Variants in MEMO1 observed in about 807,000 individuals in gnomAD.
MEMO1 encodes mediator of cell motility 1.
MEMO1 carries 6 observed loss-of-function variants against 45.2 expected under a neutral mutation model. The observed-to-expected ratio is 0.13, with a 90% CI of 0.07 to 0.26. MEMO1 has a LOEUF of 0.26. MEMO1 is among the 10% of genes least tolerant of loss of function. MEMO1 has a pLI of 1.00. For missense variants in MEMO1, 184 were observed against 370.5 expected, an observed-to-expected ratio of 0.50 and a Z score of 4.13; for synonymous variants, 78 against 124.3, an observed-to-expected ratio of 0.63 and a Z score of 2.48.
intron 6 of MEMO1, among the ~76,000 whole-genome samples, chr2:31,898,516 T>C (rs149029053): frequency 5.9e-4 from 90 of 152,320 alleles, no homozygotes; most frequent in African/African-American, 2.1e-3. Context: ...TTCCATGTAG[T>C]TGTGCGGTTT....
At chr2:31,946,302 C>T (rs911675456) in intron 2 of MEMO1, among the ~76,000 whole-genome samples, 2 of 152,072 alleles carry the variant, frequency 1.3e-5, no homozygotes, top group Admixed American at 1.3e-4. Context: ...TAAGCATCTA[C>T]TGTCCTTCTG....
intron 6 of MEMO1, among the ~76,000 whole-genome samples, chr2:31,900,381 G>C (rs1300868395): frequency 6.6e-6 from 1 of 152,108 alleles, no homozygotes; most frequent in African/African-American, 2.4e-5. Flanking sequence ...TCCTTTGCAG[G>C]GACATGGATG....
chr2:31,960,028 C>A (rs1314635822), intron 2 of MEMO1, among the ~76,000 whole-genome samples: 1 of 152,072 alleles, frequency 6.6e-6, no homozygotes. Context: ...TCAAGACCAG[C>A]CTGGCTAAAA....
intron 2 of MEMO1, among the ~76,000 whole-genome samples, chr2:31,996,711 T>C (rs1224699295): frequency 1.3e-5 from 2 of 152,106 alleles, no homozygotes; most frequent in Non-Finnish European, 2.9e-5. Flanking sequence ...TATAGAGCAT[T>C]CCACCCCATA....
At chr2:31,883,857 A>G (rs192847831) in intron 7 of MEMO1, among the ~76,000 whole-genome samples, 37 of 152,088 alleles carry the variant, frequency 2.4e-4, no homozygotes, top group Admixed American at 5.9e-4. Context: ...CAAATCACTA[A>G]AAGCCTTAGC....
chr2:31,912,387 C>A (rs1440231570), intron 6 of MEMO1, among the ~76,000 whole-genome samples: 1 of 151,760 alleles, frequency 6.6e-6, no homozygotes, highest in Non-Finnish European at 1.5e-5. Flanking sequence ...GTGGCACTTG[C>A]CTGTAATCCC....
At chr2:31,887,705 C>A (rs1360774089) in intron 7 of MEMO1, among the ~76,000 whole-genome samples, 1 of 152,136 alleles carries the variant, frequency 6.6e-6, no homozygotes, top group African/African-American at 2.4e-5. Flanking sequence ...TATCTCAAAT[C>A]TGCAAAAAGT....
intron 2 of MEMO1, among the ~76,000 whole-genome samples, chr2:31,990,829 TTC>T (rs1246118214): frequency 5.9e-5 from 9 of 152,148 alleles, no homozygotes; most frequent in Non-Finnish European, 1.0e-4. Flanking sequence ...TATAAAGAGA[TTC>T]TGAGACTGAC....
chr2:31,992,194 G>T (rs920908231), intron 2 of MEMO1, among the ~76,000 whole-genome samples: 2 of 152,142 alleles, frequency 1.3e-5, no homozygotes, highest in African/African-American at 4.8e-5. Context: ...CCTAGGTCAG[G>T]GCTGAGGAAA....
chr2:32,008,531 T>C (rs1414640346), intron 2 of MEMO1, among the ~76,000 whole-genome samples: 1 of 151,380 alleles, frequency 6.6e-6, no homozygotes, highest in Non-Finnish European at 1.5e-5. Flanking sequence ...TTGCAATGAG[T>C]CAAGATCGAG....
At chr2:31,986,256 G>C (rs556989947) in intron 2 of MEMO1, among the ~76,000 whole-genome samples, 4 of 152,066 alleles carry the variant, frequency 2.6e-5, no homozygotes, top group Non-Finnish European at 2.9e-5. Context: ...AAAATTAGCC[G>C]GGCGTGGTGG....
chr2:31,873,838 A>T (rs1363935631), intron 8 of MEMO1, among the ~76,000 whole-genome samples: 1 of 152,140 alleles, frequency 6.6e-6, no homozygotes, highest in Non-Finnish European at 1.5e-5. Flanking sequence ...GTATCAAGAT[A>T]AAATAGTAAC....
chr2:31,952,199 G>A (rs930684232), intron 2 of MEMO1, among the ~76,000 whole-genome samples: 1 of 152,078 alleles, frequency 6.6e-6, no homozygotes, highest in East Asian at 1.9e-4. Context: ...AAACCTCAAA[G>A]GTTAGGCCAA....
intron 2 of MEMO1, among the ~76,000 whole-genome samples, chr2:31,951,488 C>A (rs945257867): frequency 6.6e-6 from 1 of 151,488 alleles, no homozygotes; most frequent in Non-Finnish European, 1.5e-5. Flanking sequence ...TTCCGAGAAG[C>A]CTTACCAACT....
At position 31,927,503 on chromosome 2, in the gene MEMO1, T is replaced by A. The variant is rs373992787; in HGVS notation, c.212+4564A>T. The stretch of plus-strand genomic sequence containing the variant: ...TACATATCTGTGTGAGGTTTCTTCA[T>A]ATACGTCAACTAAAACAAATGATCA... On this transcript the variant is annotated intron_variant, in intron 4 of 9. Coordinates refer to ENST00000404530, the MANE Select transcript of MEMO1 (RefSeq NM_001301833.4). 3.3e-5 allele frequency among the ~76,000 whole-genome samples: 5 copies of A among 152,152 alleles called. No homozygotes were observed. In the East Asian group the frequency reaches 5.8e-4, roughly 18 times the overall value.
At chr2:31,975,960 T>A (rs1669956886) in intron 2 of MEMO1, among the ~76,000 whole-genome samples, 1 of 152,200 alleles carries the variant, frequency 6.6e-6, no homozygotes, top group Non-Finnish European at 1.5e-5. Context: ...AGTGGCACAA[T>A]CTCAGCTCAC....
chr2:31,931,209 A>G (rs1439058919), intron 4 of MEMO1, among the ~76,000 whole-genome samples: 4 of 152,188 alleles, frequency 2.6e-5, no homozygotes, highest in East Asian at 1.9e-4. Flanking sequence ...TTGAAAGAAC[A>G]GCTTTTTTGT....
chr2:31,936,388 T>A (rs1664922774), intron 3 of MEMO1, among the ~76,000 whole-genome samples: 1 of 152,220 alleles, frequency 6.6e-6, no homozygotes, highest in African/African-American at 2.4e-5. Context: ...TTATACTTAA[T>A]ACCTACAACA....
At chr2:31,925,590 G>A (rs1004379343) in intron 4 of MEMO1, among the ~76,000 whole-genome samples, 5 of 150,842 alleles carry the variant, frequency 3.3e-5, no homozygotes, top group Non-Finnish European at 5.9e-5. Context: ...CTCAAACTGT[G>A]AACTCTGGAA....
Sources: allele counts gnomAD v4.1 joint callset (sites outside exome capture counted in the v4.1 genomes callset), GRCh38; gene constraint gnomAD v4.1.1; transcripts MANE v1.5; gene names NCBI Gene and HGNC (gene_info 2026-07-23, HGNC 2026-07-21).